The following RUNX2 variants were observed in gnomAD, a reference collection of about 807,000 sequenced individuals.
RUNX2 encodes the protein runt-related transcription factor 2.
A neutral mutation model predicts 51.7 loss-of-function variants in RUNX2; 10 were observed. The observed-to-expected ratio is 0.19, with a 90% CI of 0.12 to 0.33. RUNX2 has a LOEUF of 0.33. RUNX2 is among the 10% of genes least tolerant of loss of function. The pLI, the probability that RUNX2 is intolerant of heterozygous loss-of-function variation, is 1.00. For missense variants in RUNX2, 562 were observed against 691.3 expected (o/e 0.81, Z 2.10); for synonymous variants, 276 against 273.6 (o/e 1.01, Z -0.09).
chr6:45,347,087 A>G (rs1791038796), intron 2 of RUNX2, among the ~76,000 whole-genome samples: 1 of 152,212 alleles, frequency 6.6e-6, no homozygotes, highest in African/African-American at 2.4e-5. Context: ...AAATAAAAAT[A>G]CCCCACAAAT....
intron 2 of RUNX2, among the ~76,000 whole-genome samples, chr6:45,403,300 C>T (rs575229902): frequency 7.3e-6 from 1 of 137,068 alleles, no homozygotes; most frequent in African/African-American, 2.7e-5. Flanking sequence ...GTGGTGCGAT[C>T]TCGGCTCACT....
chr6:45,447,096 A>C (rs1301785275), intron 5 of RUNX2, among the ~76,000 whole-genome samples: 1 of 152,250 alleles, frequency 6.6e-6, no homozygotes, highest in Non-Finnish European at 1.5e-5. Context: ...TATTAAGATA[A>C]AAACAAGTGA....
intron 2 of RUNX2, among the ~76,000 whole-genome samples, chr6:45,336,944 G>T (rs1421337939): frequency 1.3e-5 from 2 of 151,370 alleles, no homozygotes; most frequent in African/African-American, 4.8e-5. Flanking sequence ...TTATAAACTG[G>T]CATAAAAATA....
intron 5 of RUNX2, among the ~76,000 whole-genome samples, chr6:45,490,649 C>T (rs187947909): frequency 7.2e-5 from 11 of 152,158 alleles, no homozygotes; most frequent in Non-Finnish European, 1.5e-4. Context: ...AAGGCGTTTG[C>T]GCTACCCATA....
intron 2 of RUNX2, among the ~76,000 whole-genome samples, chr6:45,348,958 T>C (rs370672387): frequency 2.0e-5 from 3 of 152,194 alleles, no homozygotes; most frequent in African/African-American, 4.8e-5. Context: ...TTTCCACAAA[T>C]GTATACACAG....
At chr6:45,403,014 G>GT (rs1219362789) in intron 2 of RUNX2, among the ~76,000 whole-genome samples, 1 of 152,012 alleles carries the variant, frequency 6.6e-6, no homozygotes, top group African/African-American at 2.4e-5. Context: ...GATCTATGAG[G>GT]TTTAAAAAAG....
intron 5 of RUNX2, among the ~76,000 whole-genome samples, chr6:45,480,198 CG>C (rs1255890309): frequency 6.6e-6 from 1 of 152,142 alleles, no homozygotes; most frequent in African/African-American, 2.4e-5. Context: ...GGTGGATAAA[CG>C]CTATTCCATT....
At chr6:45,438,160 G>A (rs1563086761) in intron 5 of RUNX2, 109 bp downstream of exon 5, 6 of 759,548 alleles carry the variant, frequency 7.9e-6, no homozygotes, top group African/African-American at 1.7e-5. Context: ...TGTCTTTGTG[G>A]ACTTTGCTAT....
At chr6:45,362,775 T>C (rs1238023952) in intron 2 of RUNX2, among the ~76,000 whole-genome samples, 1 of 152,146 alleles carries the variant, frequency 6.6e-6, no homozygotes, top group Non-Finnish European at 1.5e-5. Context: ...CTTAGGTACA[T>C]TGGTTGGGAA....
At chr6:45,395,536 C>A (rs1035670650) in intron 2 of RUNX2, among the ~76,000 whole-genome samples, 1 of 152,014 alleles carries the variant, frequency 6.6e-6, no homozygotes, top group Non-Finnish European at 1.5e-5. Flanking sequence ...AAAATAAGAA[C>A]ATATAACAAA....
chr6:45,341,895 T>G (rs7760112), intron 2 of RUNX2, among the ~76,000 whole-genome samples: 23,287 of 152,004 alleles, frequency 0.15, 2,021 homozygotes, highest in East Asian at 0.26. Flanking sequence ...TAAAAAGATG[T>G]ATGAAGATAG....
At chr6:45,464,871 T>G (rs1370697435) in intron 5 of RUNX2, among the ~76,000 whole-genome samples, 3 of 152,180 alleles carry the variant, frequency 2.0e-5, no homozygotes, top group African/African-American at 7.2e-5. Flanking sequence ...TCACAATATC[T>G]CTTGATGCAC....
intron 2 of RUNX2, among the ~76,000 whole-genome samples, chr6:45,403,555 A>T (rs1797766763): frequency 6.6e-6 from 1 of 152,092 alleles, no homozygotes; most frequent in Admixed American, 6.6e-5. Flanking sequence ...TAATTAACAT[A>T]GATGTGTTTA....
intron 2 of RUNX2, among the ~76,000 whole-genome samples, chr6:45,414,855 T>C (rs561754795): frequency 4.6e-5 from 7 of 150,598 alleles, no homozygotes; most frequent in South Asian, 4.2e-4. Flanking sequence ...TTAGTTTCAG[T>C]ATGGACATAA....
Position 45,404,289 on chromosome 6 carries a change from AAAAAAAAAAGGAAAAAAAAGAAAAAAG to A in RUNX2, c.59-18295_59-18269del, listed in dbSNP as rs1232579343. ...AAAAAAAAAAAGAAAAAGAAAAAAG[AAAAAAAAAAGGAAAAAAAAGAAAAAAG>A]AAAAAAAAGTATTCTAGGCATAAGA... is the stretch of plus-strand genomic sequence containing the variant. On this transcript the variant is annotated intron_variant, in intron 2 of 8. Coordinates refer to ENST00000647337, the MANE Select transcript of RUNX2 (RefSeq NM_001024630.4). 2.0e-3 allele frequency among the ~76,000 whole-genome samples: 231 copies of A among 118,458 alleles called. 2 individuals carry two copies. The highest frequency in any genetic ancestry group is 6.3e-3 in the African/African-American group (224 of 35,448). The allele number at this position is 118,458 out of a possible 152,430, so 77.7% of individuals were successfully genotyped here.
Position 45,422,608 on chromosome 6 carries a change from G to C in RUNX2, c.74G>C (p.Arg25Pro), listed in dbSNP as rs1384263802. Reference protein sequence around the residue: ...QNFFWDPSTSRRFSPPSSSLQ... With the variant: ...QNFFWDPSTSPRFSPPSSSLQ... ...ATTCCCGTAGATCCGAGCACCAGCC[G>C]GCGCTTCAGCCCCCCCTCCAGCAGC... The change falls in exon 3 of 9, where the codon CGG (arginine) becomes CCG (proline). Residue 25 changes from arginine to proline, a missense_variant. Arg to Pro is a moderately radical substitution (Grantham distance 103). Transcript: ENST00000647337. 6.3e-7 allele frequency: 1 copy of C among 1,593,798 alleles called. No homozygotes were observed. The highest frequency in any genetic ancestry group is 1.1e-5 in the South Asian group (1 of 89,556).
At chr6:45,529,772 A>G (rs1801786449) in intron 7 of RUNX2, among the ~76,000 whole-genome samples, 2 of 152,188 alleles carry the variant, frequency 1.3e-5, no homozygotes, top group Admixed American at 1.3e-4. Context: ...TTGGTAGGGT[A>G]GTTTATTGAA....
At chr6:45,366,516 T>C (rs1795158371) in intron 2 of RUNX2, among the ~76,000 whole-genome samples, 2 of 152,192 alleles carry the variant, frequency 1.3e-5, no homozygotes, top group African/African-American at 2.4e-5. Flanking sequence ...AACTCCCTCT[T>C]CCGTTAAAGG....
intron 7 of RUNX2, among the ~76,000 whole-genome samples, chr6:45,544,480 G>A (rs1802329153): frequency 6.6e-6 from 1 of 152,124 alleles, no homozygotes; most frequent in African/African-American, 2.4e-5. Context: ...AAACCATACG[G>A]AATTGTAATT....
Sources: allele counts gnomAD v4.1 joint callset (sites outside exome capture counted in the v4.1 genomes callset), GRCh38; gene constraint gnomAD v4.1.1; transcripts MANE v1.5; gene names NCBI Gene and HGNC (gene_info 2026-07-23, HGNC 2026-07-21).